Variants in DNAJC5B observed in about 807,000 individuals in gnomAD.
DNAJC5B encodes DnaJ heat shock protein family (Hsp40) member C5 beta.
DNAJC5B carries 23 observed loss-of-function variants against 24.7 expected under a neutral mutation model. That is an observed-to-expected ratio of 0.93 (90% CI 0.67 to 1.32). The LOEUF (loss-of-function observed/expected upper bound fraction) is 1.32, where lower values mean the gene tolerates loss of function less well. DNAJC5B is among the 40% of genes most tolerant of loss of function. The probability of loss-of-function intolerance (pLI) is 0.00; values close to 1 mark genes in which losing one functional copy is unlikely to be tolerated. For missense variants in DNAJC5B, 238 were observed against 240.8 expected (o/e 0.99, Z 0.08); for synonymous variants, 101 against 90.1 (o/e 1.12, Z -0.68).
chr8:66,040,400 A>G (rs1180640895), intron 1 of DNAJC5B, among the ~76,000 whole-genome samples: 2 of 150,556 alleles, frequency 1.3e-5, no homozygotes, highest in Non-Finnish European at 2.9e-5. Context: ...AAAAAAAAAA[A>G]GTGACTTGCC....
At chr8:66,056,809 T>A (rs1303209129) in intron 3 of DNAJC5B, 1 of 152,222 alleles carries the variant, frequency 6.6e-6, no homozygotes. Flanking sequence ...TGTGCTGAGA[T>A]GAACCAGATG....
chr8:66,080,385 T>C lies in DNAJC5B; in HGVS notation c.342T>C (p.Phe114=). 1 of 1,612,506 alleles carries C rather than the reference T, an allele frequency of 6.2e-7. No individual in the cohort carries two copies. The highest frequency in any genetic ancestry group is 1.3e-5 in the African/African-American group (1 of 75,046). ...TACCTCTGTTTCCCTAGGCCCTGTT[T>C]GTCATCGTTGGCCTCTTGACGGGCT... ...MLSSWWAKAL[F]VIVGLLTGCY... is the part of the protein sequence containing the mutation. The change falls in exon 5 of 6, where the codon TTT becomes TTC. Residue 114 remains phenylalanine, a synonymous_variant. Coordinates refer to ENST00000276570, the MANE Select transcript of DNAJC5B (RefSeq NM_033105.6).
At chr8:66,022,436 C>T (rs925199190) in intron 1 of DNAJC5B, among the ~76,000 whole-genome samples, 1 of 152,178 alleles carries the variant, frequency 6.6e-6, no homozygotes, top group Non-Finnish European at 1.5e-5. Context: ...TCTTAGCACA[C>T]TGCGACCCCG....
At chr8:66,030,717 A>T (rs573349250) in intron 1 of DNAJC5B, among the ~76,000 whole-genome samples, 4 of 151,326 alleles carry the variant, frequency 2.6e-5, no homozygotes, top group Non-Finnish European at 5.9e-5. Context: ...GCTCACTGCA[A>T]CCTCTGCCTC....
intron 3 of DNAJC5B, among the ~76,000 whole-genome samples, chr8:66,063,561 GAAGAGT>G (rs562725986): frequency 6.6e-6 from 1 of 152,294 alleles, no homozygotes; most frequent in South Asian, 2.1e-4. Flanking sequence ...AGCCCACTTG[GAAGAGT>G]TGTCTTCCGG....
rs548537802 is a variant in DNAJC5B, at chr8:66,043,563, G to C, written c.-66G>C. The C allele has an allele frequency of 4.6e-5, 7 of 152,358 alleles. No individual in the cohort carries two copies. The highest frequency in any genetic ancestry group is 3.9e-4 in the Admixed American group (6 of 15,304). The allele number at this position is 152,358 out of a possible 1,614,324, so 9.4% of individuals were successfully genotyped here. A position where few individuals can be genotyped will look rare whatever the true frequency, so the allele number is the denominator to read the frequency against. ...TATTGACCTGCTTAACCCTGCATGGGGGGGAAGGATGGAAAGGAGCAGCTG... is the reference window on the plus strand; with the variant it reads ...TATTGACCTGCTTAACCCTGCATGGCGGGGAAGGATGGAAAGGAGCAGCTG... On this transcript the variant is annotated 5_prime_UTR_variant, in exon 2 of 6. Transcript: ENST00000276570.
At chr8:66,051,742 C>T in intron 3 of DNAJC5B, 76 bp downstream of exon 3, 2 of 1,129,428 alleles carry the variant, frequency 1.8e-6, no homozygotes, top group South Asian at 2.8e-5. Flanking sequence ...CCATTAAAGA[C>T]ATAAGCTTCT....
chr8:66,030,791 C>T (rs903244009), intron 1 of DNAJC5B, among the ~76,000 whole-genome samples: 1 of 152,210 alleles, frequency 6.6e-6, no homozygotes, highest in Admixed American at 6.5e-5. Flanking sequence ...TGCCCACCAC[C>T]ATGCCCTGCT....
intron 3 of DNAJC5B, among the ~76,000 whole-genome samples, chr8:66,052,379 T>A (rs1335225736): frequency 1.3e-5 from 2 of 152,192 alleles, no homozygotes; most frequent in African/African-American, 4.8e-5. Context: ...TTAATTTTGA[T>A]CTTTTGTGGT....
At chr8:66,073,250 C>T (rs1434665892) in intron 3 of DNAJC5B, among the ~76,000 whole-genome samples, 1 of 151,904 alleles carries the variant, frequency 6.6e-6, no homozygotes, top group Non-Finnish European at 1.5e-5. Context: ...TTTTTATCTG[C>T]AATAAATAAT....
intron 5 of DNAJC5B, among the ~76,000 whole-genome samples, chr8:66,094,394 C>T (rs1426375293): frequency 1.3e-5 from 2 of 151,926 alleles, no homozygotes; most frequent in African/African-American, 4.8e-5. Flanking sequence ...AATACTTTAC[C>T]ATTTTTCTTA....
chr8:66,047,424 C>A (rs182022598), intron 2 of DNAJC5B, among the ~76,000 whole-genome samples: 4 of 152,316 alleles, frequency 2.6e-5, no homozygotes, highest in Admixed American at 2.6e-4. Context: ...CTTGCAGGCC[C>A]AGGAGCCATT....
intron 1 of DNAJC5B, among the ~76,000 whole-genome samples, chr8:66,031,748 T>TG (rs1806364953): frequency 6.6e-6 from 1 of 152,156 alleles, no homozygotes; most frequent in Non-Finnish European, 1.5e-5. Flanking sequence ...GGCCTTCAGC[T>TG]GATTCGATGA....
At chr8:66,090,281 G>A (rs1434276732) in intron 5 of DNAJC5B, among the ~76,000 whole-genome samples, 1 of 149,552 alleles carries the variant, frequency 6.7e-6, no homozygotes, top group African/African-American at 2.5e-5. Context: ...GTGTGTGTGT[G>A]GTAGAGAGAG....
At chr8:66,069,132 C>A (rs992416836) in intron 3 of DNAJC5B, among the ~76,000 whole-genome samples, 2 of 150,944 alleles carry the variant, frequency 1.3e-5, no homozygotes, top group African/African-American at 4.9e-5. Context: ...GAAATTAATC[C>A]AACAAGAAGG....
intron 3 of DNAJC5B, among the ~76,000 whole-genome samples, chr8:66,071,237 G>A (rs550591031): frequency 4.5e-4 from 68 of 152,270 alleles, no homozygotes; most frequent in Middle Eastern, 3.4e-3. Flanking sequence ...CACAGCAAAA[G>A]AAACTAGCAT....
chr8:66,078,351 G>A lies in DNAJC5B; in HGVS notation c.333+1478G>A, dbSNP rs553165799. 4.6e-5 allele frequency among the ~76,000 whole-genome samples: 7 copies of A among 152,196 alleles called. No individual in the cohort carries two copies. In the East Asian group the frequency reaches 1.2e-3, roughly 25 times the overall value. On this transcript the variant is annotated intron_variant, in intron 4 of 5. Coordinates refer to ENST00000276570, the MANE Select transcript of DNAJC5B (RefSeq NM_033105.6). ...GGCACCCATCAGAATGGCCCTGCACGTAGCAATCATGTGATAAATATGCAC... is the reference window on the plus strand; with the variant it reads ...GGCACCCATCAGAATGGCCCTGCACATAGCAATCATGTGATAAATATGCAC...
intron 5 of DNAJC5B, among the ~76,000 whole-genome samples, chr8:66,098,537 G>A (rs1563615569): frequency 6.6e-6 from 1 of 151,870 alleles, no homozygotes; most frequent in Non-Finnish European, 1.5e-5. Flanking sequence ...ATGGATTGGT[G>A]TATTTCATCA....
Position 66,051,629 on chromosome 8 carries a change from A to G in DNAJC5B, c.82A>G (p.Lys28Glu), listed in dbSNP as rs1245135830. The part of the protein sequence containing the change: ...EALYEILGLH[K>E]GASNEEIKKT... ...TCTATACGAAATTCTTGGTCTGCAT[A>G]AGGGAGCATCAAATGAAGAAATTAA... Residue 28 changes from lysine (K) to glutamate (E), a missense_variant, in exon 3 of 6, where the codon AAG becomes GAG. Physicochemically the swap from Lys to Glu is moderately conservative, Grantham distance 56 (BLOSUM62 1). Coordinates refer to ENST00000276570, the MANE Select transcript of DNAJC5B (RefSeq NM_033105.6). 1 of 1,613,454 alleles carries G rather than the reference A, an allele frequency of 6.2e-7. No individual in the cohort carries two copies. The highest frequency in any genetic ancestry group is 2.2e-5 in the East Asian group (1 of 44,868).
Sources: gnomAD v4.1 joint callset for allele counts (sites outside exome capture counted in the v4.1 genomes callset) on GRCh38, gnomAD v4.1.1 for gene constraint, MANE v1.5 for transcripts, NCBI Gene and HGNC (gene_info 2026-07-23, HGNC 2026-07-21) for gene names.